ZFP62: variants seen among roughly 807,000 people sequenced by gnomAD.
ZFP62 encodes zinc finger protein 62 homolog.
In ZFP62, 44 loss-of-function variants were observed where a neutral mutation model predicts 56.4. The ratio of observed to expected loss-of-function variants is 0.78; its 90% confidence interval spans 0.61 to 1.00. The LOEUF (loss-of-function observed/expected upper bound fraction) is 1.00, where lower values mean the gene tolerates loss of function less well. Ranked by LOEUF, ZFP62 falls within the 50% of genes least tolerant of loss-of-function variation. ZFP62 has a pLI of 0.00. For missense variants in ZFP62, 1,030 were observed against 1,085.7 expected (o/e 0.95, Z 0.72); for synonymous variants, 421 against 388.9 (o/e 1.08, Z -0.97).
rs1438654003 is a variant in ZFP62 at position 180,851,369 on chromosome 5, T to C, written c.126A>G (p.Thr42=). The C allele has an allele frequency of 4.9e-5, 76 of 1,551,596 alleles. No homozygotes were observed. Among genetic ancestry groups the C allele is most frequent in the East Asian group, 2.4e-4 (10 of 40,932 alleles). ...DPMPESKVGD[T]CVWDSKVENQ... ...TCTCTACCTTGCTATCCCAAACACA[T>C]GTGTCACCAACCTTAGATTCAGGCA... The change falls in exon 2 of 2, where the codon ACA becomes ACG. Residue 42 remains threonine (T), a synonymous_variant. Transcript: ENST00000502412.
At chr5:180,851,774 G>A (rs810491) in intron 1 of ZFP62, among the ~76,000 whole-genome samples, 121,655 of 152,118 alleles carry the variant, frequency 0.8, 48,774 homozygotes, top group East Asian at 0.98. Context: ...GCATAGGGCA[G>A]GGTGAAATGA....
At chr5:180,858,724 G>C (rs1039816695) in intron 1 of ZFP62, among the ~76,000 whole-genome samples, 1 of 152,152 alleles carries the variant, frequency 6.6e-6, no homozygotes, top group Non-Finnish European at 1.5e-5. Context: ...GACTGATTTG[G>C]TAGCTAAGTC....
At chr5:180,840,026 T>C in the ZFP62 span, among the ~76,000 whole-genome samples, 2 of 148,590 alleles carry the variant, frequency 1.3e-5, no homozygotes, top group Admixed American at 1.3e-4. Context: ...ACATACTAGT[T>C]GTGGGACTGC....
In ZFP62 at chr5:180,851,450, T is replaced by C. The variant is rs780140484; in HGVS notation, c.45A>G (p.Glu15=). Residue 15 remains glutamate (E), a synonymous_variant, in exon 2 of 2, where the codon GAA becomes GAG. Coordinates refer to ENST00000502412, the MANE Select transcript of ZFP62 (RefSeq NM_001172638.2). ...CTGCATTTCCAACATTTTCATATTC[T>C]TCAGTTGGTTCCTCATCCTCAGTGC... ...KTSTEDEEPT[E]EYENVGNAAS... The C allele has an allele frequency of 1.9e-6, 3 of 1,551,176 alleles. No homozygotes were observed. The South Asian group carries it at 3.6e-5, about 18-fold the overall frequency.
chr5:180,859,316 A>G (rs1000036831), intron 1 of ZFP62, among the ~76,000 whole-genome samples: 8 of 152,258 alleles, frequency 5.3e-5, no homozygotes, highest in African/African-American at 1.9e-4. Flanking sequence ...GACAAGAGAA[A>G]GTGACAAAAT....
intron 1 of ZFP62, among the ~76,000 whole-genome samples, chr5:180,857,761 T>G (rs1774065881): frequency 6.6e-6 from 1 of 150,890 alleles, no homozygotes; most frequent in African/African-American, 2.4e-5. Flanking sequence ...CCTCCCAAAG[T>G]GCTGGGATTA....
At chr5:180,840,820 T>G in the ZFP62 span, among the ~76,000 whole-genome samples, 1 of 146,862 alleles carries the variant, frequency 6.8e-6, no homozygotes, top group Non-Finnish European at 1.5e-5. Context: ...TGTGTGTGTG[T>G]GTTGGGGTTG....
chr5:180,860,245 AG>A (rs1774230202), intron 1 of ZFP62, among the ~76,000 whole-genome samples: 1 of 152,248 alleles, frequency 6.6e-6, no homozygotes, highest in African/African-American at 2.4e-5. Context: ...CTAAGAGGGT[AG>A]GGCCTAGGAA....
intron 1 of ZFP62, among the ~76,000 whole-genome samples, chr5:180,854,747 G>A (rs922233134): frequency 6.6e-6 from 1 of 152,054 alleles, no homozygotes; most frequent in African/African-American, 2.4e-5. Context: ...AACCCAAAAC[G>A]AACAATGTTT....
chr5:180,831,437 G>C, the ZFP62 span: 1 of 151,912 alleles, frequency 6.6e-6, no homozygotes, highest in Non-Finnish European at 1.5e-5. Context: ...TTGAGACGGA[G>C]TTTCGCTCTT....
At chr5:180,858,257 C>CAAAAAAA (rs1159409435) in intron 1 of ZFP62, among the ~76,000 whole-genome samples, 13 of 40,254 alleles carry the variant, frequency 3.2e-4, no homozygotes, top group African/African-American at 9.7e-4. Flanking sequence ...AACTCTGTCT[C>CAAAAAAA]AAAAAAAAAA....
chr5:180,827,784 G>A, the ZFP62 span, among the ~76,000 whole-genome samples: 2 of 152,346 alleles, frequency 1.3e-5, no homozygotes, highest in South Asian at 4.1e-4. Context: ...CCTGGGCAAT[G>A]GAATGTCTCG....
rs771994720 is a variant in ZFP62, at chr5:180,849,711, TCA to T, written c.1782_1783del (p.Cys594Ter). The T allele has an allele frequency of 2.3e-5, 35 of 1,551,528 alleles. No homozygotes were observed. The highest frequency in any genetic ancestry group is 3.5e-6 in the Non-Finnish European group (4 of 1,147,016). The stretch of plus-strand genomic sequence containing the variant: ...GGTTCGGTATGTGATGAAGGCCTTC[TCA>T]CACTCGTCACACTTAAAGGGCTTCT... On this transcript the variant is annotated stop_gained and frameshift_variant, in exon 2 of 2. Transcript: ENST00000502412. LOFTEE classifies it high-confidence loss of function.
chr5:180,848,601 A>G lies in ZFP62; in HGVS notation c.*191T>C, dbSNP rs939690535. ...TATGGACTGTTTTATATCCTGTAAG[A>G]GCTGAACTACCTTGACACTGGAGCC... On this transcript the variant is annotated 3_prime_UTR_variant, in exon 2 of 2. Coordinates refer to ENST00000502412, the MANE Select transcript of ZFP62 (RefSeq NM_001172638.2). 7.5e-7 allele frequency: 1 copy of G among 1,340,648 alleles called. No homozygotes were observed. The highest frequency in any genetic ancestry group is 9.5e-7 in the Non-Finnish European group (1 of 1,049,202). 83.0% of individuals were successfully genotyped at this position (1,340,648 alleles called of 1,614,324 possible). A position where few individuals can be genotyped will look rare whatever the true frequency, so the allele number is the denominator to read the frequency against.
chr5:180,827,929 G>A, the ZFP62 span, among the ~76,000 whole-genome samples: 1 of 152,196 alleles, frequency 6.6e-6, no homozygotes, highest in Non-Finnish European at 1.5e-5. Flanking sequence ...TAAAAGCACA[G>A]CACTTGATTC....
At chr5:180,861,139 G>C in intron 1 of ZFP62, 80 bp downstream of exon 1, 2 of 398,920 alleles carry the variant, frequency 5.0e-6, no homozygotes, top group South Asian at 1.3e-4. Flanking sequence ...CCGCGGAGCA[G>C]CCAAGACCCG....
chr5:180,833,894 C>T, the ZFP62 span, among the ~76,000 whole-genome samples: 3 of 152,230 alleles, frequency 2.0e-5, no homozygotes, highest in East Asian at 5.8e-4. Context: ...TGGTCTCGAT[C>T]TCCTGACCTC....
At chr5:180,856,120 A>G (rs1196695733) in intron 1 of ZFP62, among the ~76,000 whole-genome samples, 1 of 152,200 alleles carries the variant, frequency 6.6e-6, no homozygotes, top group Non-Finnish European at 1.5e-5. Flanking sequence ...CTAAAATCAC[A>G]GACACTTTGC....
chr5:180,846,474 T>C (rs950754358), downstream of ZFP62, among the ~76,000 whole-genome samples: 1 of 152,226 alleles, frequency 6.6e-6, no homozygotes, highest in Non-Finnish European at 1.5e-5. Context: ...GCCCAATCCA[T>C]GTCCCCACGA....
Sources: gnomAD v4.1 joint callset for allele counts (sites outside exome capture counted in the v4.1 genomes callset) on GRCh38, gnomAD v4.1.1 for gene constraint, MANE v1.5 for transcripts, NCBI Gene and HGNC (gene_info 2026-07-23, HGNC 2026-07-21) for gene names.